The following GRIN2A variants were observed in gnomAD, a reference collection of about 807,000 sequenced individuals.
GRIN2A encodes the protein glutamate ionotropic receptor NMDA type subunit 2A, also known as glutamate receptor ionotropic, NMDA 2A.
A neutral mutation model predicts 113.4 loss-of-function variants in GRIN2A; 22 were observed. That is an observed-to-expected ratio of 0.19 (90% CI 0.14 to 0.28). The LOEUF is 0.28. Ranked by LOEUF, GRIN2A falls within the 10% of genes least tolerant of loss-of-function variation. GRIN2A has a pLI of 1.00. For synonymous variants in GRIN2A, 827 were observed against 738.4 expected, an observed-to-expected ratio of 1.12 and a Z score of -1.94; for missense variants, 1,502 against 1,887.0, an observed-to-expected ratio of 0.80 and a Z score of 3.78.
At chr16:9,860,452 A>G (rs1014307186) in intron 4 of GRIN2A, among the ~76,000 whole-genome samples, 3 of 146,022 alleles carry the variant, frequency 2.1e-5, no homozygotes, top group Non-Finnish European at 4.5e-5. Context: ...TCTCAAAAAA[A>G]AAAAAAAAAA....
intron 2 of GRIN2A, among the ~76,000 whole-genome samples, chr16:10,139,835 AT>A (rs33934795): frequency 2.3e-3 from 253 of 111,088 alleles, no homozygotes; most frequent in African/African-American, 6.8e-3. Flanking sequence ...GAGATAAATA[AT>A]TTTTTTTTTT....
At chr16:10,143,252 G>A (rs766293541) in intron 2 of GRIN2A, among the ~76,000 whole-genome samples, 80 of 152,284 alleles carry the variant, frequency 5.3e-4, no homozygotes, top group African/African-American at 7.5e-4. Flanking sequence ...AGTGGACAAC[G>A]CCTTCCGCTA....
At chr16:9,852,773 C>A (rs761587588) in intron 4 of GRIN2A, among the ~76,000 whole-genome samples, 2 of 152,212 alleles carry the variant, frequency 1.3e-5, no homozygotes, top group South Asian at 4.1e-4. Context: ...ACATTCTTCA[C>A]TTTCCCTGCC....
Position 9,849,748 on chromosome 16 carries a change from C to T in GRIN2A, c.1328+8G>A. The T allele has an allele frequency of 1.2e-6, 2 of 1,608,550 alleles. No homozygotes were observed. The highest frequency in any genetic ancestry group is 8.5e-7 in the Non-Finnish European group (1 of 1,174,950). ...GCACGTTCAGGTGACAGCATTCCTG[C>T]CACTCACTTGATTTTGACGAACTTC... On this transcript the variant is annotated splice_region_variant and intron_variant, in intron 5 of 12. Coordinates refer to ENST00000330684, the MANE Select transcript of GRIN2A (RefSeq NM_001134407.3).
intron 2 of GRIN2A, among the ~76,000 whole-genome samples, chr16:10,024,913 A>T (rs968852706): frequency 3.3e-5 from 5 of 152,224 alleles, no homozygotes; most frequent in Non-Finnish European, 7.3e-5. Context: ...CACTAAATTC[A>T]AAACAGAGCC....
intron 8 of GRIN2A, among the ~76,000 whole-genome samples, chr16:9,831,166 G>A (rs550817145): frequency 6.6e-6 from 1 of 152,334 alleles, no homozygotes; most frequent in East Asian, 1.9e-4. Flanking sequence ...AGCCTGGAGA[G>A]AATGGAAGGG....
chr16:9,861,717 G>A (rs1182513633), intron 4 of GRIN2A, among the ~76,000 whole-genome samples: 1 of 152,162 alleles, frequency 6.6e-6, no homozygotes, highest in African/African-American at 2.4e-5. Context: ...CGTCACTTTG[G>A]AACTCAATTT....
intron 11 of GRIN2A, among the ~76,000 whole-genome samples, chr16:9,786,952 A>G (rs1415305656): frequency 1.3e-5 from 2 of 152,174 alleles, no homozygotes; most frequent in East Asian, 3.9e-4. Flanking sequence ...TACAGACAAT[A>G]AAGTCTTGTC....
At chr16:9,994,245 A>G (rs887730499) in intron 2 of GRIN2A, among the ~76,000 whole-genome samples, 2 of 152,208 alleles carry the variant, frequency 1.3e-5, no homozygotes, top group Non-Finnish European at 2.9e-5. Context: ...GTCAGAATGC[A>G]AAGCCCATTT....
intron 2 of GRIN2A, among the ~76,000 whole-genome samples, chr16:9,972,349 T>A (rs540782089): frequency 1.3e-5 from 2 of 152,246 alleles, no homozygotes; most frequent in Non-Finnish European, 2.9e-5. Context: ...ACTTTACATA[T>A]AAGAAGTAGG....
chr16:9,902,681 G>T (rs1267089974), intron 3 of GRIN2A, among the ~76,000 whole-genome samples: 1 of 151,974 alleles, frequency 6.6e-6, no homozygotes, highest in Admixed American at 6.6e-5. Context: ...TCTGAAAAAT[G>T]GGGGGGTGGT....
intron 9 of GRIN2A, among the ~76,000 whole-genome samples, chr16:9,824,739 G>A (rs2042354762): frequency 6.6e-6 from 1 of 152,084 alleles, no homozygotes; most frequent in African/African-American, 2.4e-5. Flanking sequence ...AAATTTCACA[G>A]CACTCATTCT....
chr16:9,785,716 A>C (rs1267383547), intron 11 of GRIN2A, among the ~76,000 whole-genome samples: 1 of 152,126 alleles, frequency 6.6e-6, no homozygotes, highest in Non-Finnish European at 1.5e-5. Context: ...AAAAAGTATA[A>C]GTTTCAATAA....
At chr16:9,787,011 G>T (rs150205192) in intron 11 of GRIN2A, among the ~76,000 whole-genome samples, 53 of 152,184 alleles carry the variant, frequency 3.5e-4, no homozygotes, top group African/African-American at 1.1e-3. Context: ...TTCCAACTTT[G>T]GCAGAACATC....
chr16:10,153,810 G>C (rs957761144), intron 2 of GRIN2A, among the ~76,000 whole-genome samples: 13 of 152,162 alleles, frequency 8.5e-5, no homozygotes, highest in Non-Finnish European at 1.5e-4. Flanking sequence ...CCTTAATGCA[G>C]CATGTCCTGG....
At chr16:10,040,038 C>CACAGAACAT (rs2047127503) in intron 2 of GRIN2A, among the ~76,000 whole-genome samples, 12 of 9,364 alleles carry the variant, frequency 1.3e-3, no homozygotes, top group South Asian at 7.2e-3. Context: ...ATATACTACA[C>CACAGAACAT]ACATCCACAC....
intron 2 of GRIN2A, among the ~76,000 whole-genome samples, chr16:10,159,253 A>G (rs947343963): frequency 6.6e-6 from 1 of 152,176 alleles, no homozygotes; most frequent in Non-Finnish European, 1.5e-5. Context: ...CTTGGACAAC[A>G]GGAATACCAT....
chr16:10,046,902 G>A (rs779854229), intron 2 of GRIN2A, among the ~76,000 whole-genome samples: 1 of 152,172 alleles, frequency 6.6e-6, no homozygotes, highest in African/African-American at 2.4e-5. Flanking sequence ...TATGTTAAGT[G>A]CTGTGTATAT....
intron 3 of GRIN2A, among the ~76,000 whole-genome samples, chr16:9,930,512 T>C (rs1263416155): frequency 1.3e-5 from 2 of 152,348 alleles, no homozygotes; most frequent in Admixed American, 6.5e-5. Context: ...CAGCTGTTTT[T>C]CCCACTTCTG....
Sources: gnomAD v4.1 joint callset for allele counts (sites outside exome capture counted in the v4.1 genomes callset) on GRCh38, gnomAD v4.1.1 for gene constraint, MANE v1.5 for transcripts, NCBI Gene and HGNC (gene_info 2026-07-23, HGNC 2026-07-21) for gene names.